The following NBAS variants were observed in gnomAD, a reference collection of about 807,000 sequenced individuals.
NBAS encodes NBAS subunit of NRZ tethering complex, also known as NAG/BC035112 fusion.
In NBAS, 219 loss-of-function variants were observed where a neutral mutation model predicts 302.5. The ratio of observed to expected loss-of-function variants is 0.72; its 90% CI spans 0.65 to 0.81. NBAS has a LOEUF of 0.81. Among genes scored for constraint, NBAS ranks in the 30% least tolerant of loss-of-function variants. The pLI, the probability that NBAS is intolerant of heterozygous loss-of-function variation, is 0.00. For missense variants in NBAS, 2,932 were observed against 2,841.6 expected (o/e 1.03, Z -0.72); for synonymous variants, 1,118 against 1,021.6 (o/e 1.09, Z -1.80).
the NBAS span, among the ~76,000 whole-genome samples, chr2:15,039,025 A>AC: frequency 1.3e-5 from 2 of 152,220 alleles, no homozygotes; most frequent in Non-Finnish European, 2.9e-5. Context: ...CCCTAGGAAT[A>AC]AATATTTGTA....
chr2:15,291,187 G>A (rs1670288828), intron 41 of NBAS, among the ~76,000 whole-genome samples: 1 of 152,156 alleles, frequency 6.6e-6, no homozygotes, highest in Admixed American at 6.5e-5. Context: ...GAGGCCTGTG[G>A]TGCTGTGGTG....
At chr2:15,351,468 G>A (rs1305838001) in intron 35 of NBAS, among the ~76,000 whole-genome samples, 1 of 152,078 alleles carries the variant, frequency 6.6e-6, no homozygotes, top group Non-Finnish European at 1.5e-5. Flanking sequence ...CTTAAGGTCA[G>A]GAGTTCGAGA....
the NBAS span, among the ~76,000 whole-genome samples, chr2:15,134,184 T>C: frequency 1.3e-5 from 2 of 151,944 alleles, no homozygotes. Context: ...TGGGGGATGA[T>C]AAGATGATGA....
At position 15,455,196 on chromosome 2, in the gene NBAS, C is replaced by T. The variant is rs557988671; in HGVS notation, c.2339+6005G>A. Among the ~76,000 whole-genome samples, 322 of 152,272 alleles carry T rather than the reference C, an allele frequency of 2.1e-3. 3 individuals carry two copies. Among genetic ancestry groups the T allele is most frequent in the Non-Finnish European group, 1.9e-3 (126 of 68,026 alleles). ...GGGATTACAGGCGTGAGCCACCGCACCCGGCCGATGCTATAATTTTTGTTA... is the reference window on the plus strand; with the variant it reads ...GGGATTACAGGCGTGAGCCACCGCATCCGGCCGATGCTATAATTTTTGTTA... On this transcript the variant is annotated intron_variant, in intron 21 of 51. Coordinates refer to ENST00000281513, the MANE Select transcript of NBAS (RefSeq NM_015909.4).
chr2:14,840,461 A>G, the NBAS span, among the ~76,000 whole-genome samples: 2 of 152,176 alleles, frequency 1.3e-5, no homozygotes, highest in East Asian at 3.9e-4. Context: ...ACTTGACCCA[A>G]ATAAAAAGGC....
In NBAS at chr2:15,539,221, A is replaced by G. The variant is rs1663675984; in HGVS notation, c.513+2T>C. 5.0e-6 allele frequency: 8 copies of G among 1,614,036 alleles called. No individual in the cohort carries two copies. Among genetic ancestry groups the G allele is most frequent in the South Asian group, 1.1e-5 (1 of 91,088 alleles). On this transcript the variant is annotated splice_donor_variant, in intron 7 of 51. Coordinates refer to ENST00000281513, the MANE Select transcript of NBAS (RefSeq NM_015909.4). LOFTEE classifies it high-confidence loss of function. The stretch of plus-strand genomic sequence containing the variant: ...TGTTTTCAATTTAAGCTATGTACAT[A>G]CCGGGGAAATGACAAAGAGTTCACT...
intron 27 of NBAS, among the ~76,000 whole-genome samples, chr2:15,395,212 G>A (rs528654867): frequency 4.6e-5 from 7 of 152,124 alleles, no homozygotes; most frequent in African/African-American, 1.7e-4. Context: ...ACCACCCATG[G>A]TTACAACCAG....
the NBAS span, among the ~76,000 whole-genome samples, chr2:14,924,052 C>G: frequency 6.6e-6 from 1 of 152,198 alleles, no homozygotes. Flanking sequence ...TCTAAAGAAT[C>G]TCACACAGAA....
At chr2:14,945,823 G>A in the NBAS span, among the ~76,000 whole-genome samples, 1 of 152,188 alleles carries the variant, frequency 6.6e-6, no homozygotes, top group African/African-American at 2.4e-5. Flanking sequence ...GCTCACACCT[G>A]TAATATTAGC....
At chr2:14,863,852 G>A in the NBAS span, among the ~76,000 whole-genome samples, 1 of 152,184 alleles carries the variant, frequency 6.6e-6, no homozygotes, top group East Asian at 1.9e-4. Flanking sequence ...CCTTCCTGCA[G>A]GTCACCTGAT....
chr2:15,479,685 G>C (rs1358815247), intron 12 of NBAS, among the ~76,000 whole-genome samples: 3 of 152,176 alleles, frequency 2.0e-5, no homozygotes, highest in African/African-American at 7.2e-5. Flanking sequence ...CAAAACTAAT[G>C]ATAAGAAGGA....
chr2:14,912,703 T>TAAAAAAAAA, the NBAS span, among the ~76,000 whole-genome samples: 243 of 78,420 alleles, frequency 3.1e-3, 2 homozygotes, highest in African/African-American at 7.1e-3. Flanking sequence ...CATTCATTTT[T>TAAAAAAAAA]AAAAAAAAAA....
intron 17 of NBAS, 81 bp from the exon 18 acceptor site, chr2:15,467,885 ATTTC>A: frequency 1.6e-6 from 2 of 1,217,182 alleles, no homozygotes; most frequent in Non-Finnish European, 2.3e-6. Flanking sequence ...ATTTTGACTG[ATTTC>A]ATTATTGATT....
chr2:15,096,490 T>C, the NBAS span, among the ~76,000 whole-genome samples: 1 of 152,220 alleles, frequency 6.6e-6, no homozygotes, highest in Admixed American at 6.5e-5. Flanking sequence ...GCAAGACCTT[T>C]GGTGTTTCTG....
downstream of NBAS, among the ~76,000 whole-genome samples, chr2:15,163,786 C>T (rs1663950406): frequency 6.7e-6 from 1 of 149,626 alleles, no homozygotes; most frequent in Non-Finnish European, 1.5e-5. Context: ...TCAGACACTT[C>T]AGTATTACAA....
At chr2:14,870,989 TA>T in the NBAS span, among the ~76,000 whole-genome samples, 15 of 143,778 alleles carry the variant, frequency 1.0e-4, no homozygotes, top group East Asian at 4.3e-4. Flanking sequence ...AAAAATAAAC[TA>T]AAAAAAAATT....
At chr2:15,479,216 G>GA (rs936351223) in intron 12 of NBAS, among the ~76,000 whole-genome samples, 4 of 151,540 alleles carry the variant, frequency 2.6e-5, no homozygotes, top group African/African-American at 7.3e-5. Context: ...AACTTAATCA[G>GA]AAAAAAAATT....
chr2:15,500,362 G>A (rs904197465), intron 11 of NBAS, among the ~76,000 whole-genome samples: 1 of 151,820 alleles, frequency 6.6e-6, no homozygotes, highest in African/African-American at 2.4e-5. Flanking sequence ...AGTATTTATT[G>A]AATATTATAT....
At chr2:15,515,002 A>C (rs1445713452) in intron 9 of NBAS, among the ~76,000 whole-genome samples, 1 of 152,234 alleles carries the variant, frequency 6.6e-6, no homozygotes, top group African/African-American at 2.4e-5. Context: ...GTGTTGTTCC[A>C]ATCAGACAGA....
Sources: gnomAD v4.1 joint callset for allele counts (sites outside exome capture counted in the v4.1 genomes callset) on GRCh38, gnomAD v4.1.1 for gene constraint, MANE v1.5 for transcripts, NCBI Gene and HGNC (gene_info 2026-07-23, HGNC 2026-07-21) for gene names.